CACNA2D3: variants seen among roughly 807,000 people sequenced by gnomAD.
CACNA2D3 encodes the protein voltage-dependent calcium channel subunit alpha-2/delta-3.
A neutral mutation model predicts 160.6 loss-of-function variants in CACNA2D3; 60 were observed. The observed-to-expected ratio is 0.37, with a 90% CI of 0.30 to 0.46. CACNA2D3 has a LOEUF of 0.46. Ranked by LOEUF, CACNA2D3 falls within the 20% of genes least tolerant of loss-of-function variation. The probability of loss-of-function intolerance (pLI) is 1.00; values close to 1 mark genes in which losing one functional copy is unlikely to be tolerated. For missense variants in CACNA2D3, 1,205 were observed against 1,365.0 expected (o/e 0.88, Z 1.85); for synonymous variants, 558 against 492.9 (o/e 1.13, Z -1.75).
chr3:54,571,024 A>G (rs1164585198), intron 8 of CACNA2D3, among the ~76,000 whole-genome samples: 1 of 152,138 alleles, frequency 6.6e-6, no homozygotes, highest in Non-Finnish European at 1.5e-5. Context: ...CATTTTAGGG[A>G]GACATGAGAC....
rs899412706 is a variant in CACNA2D3, at chr3:54,338,067, T to C, written c.321+17509T>C. ...CCCGAGGACAGACAACACCAGTAAA[T>C]CTTAATCACTATGGAGCACTATAGA... is the stretch of plus-strand genomic sequence containing the variant. On this transcript the variant is annotated intron_variant, in intron 3 of 37. Coordinates refer to ENST00000474759, the MANE Select transcript of CACNA2D3 (RefSeq NM_018398.3). 3.3e-5 allele frequency among the ~76,000 whole-genome samples: 5 copies of C among 152,200 alleles called. No homozygotes were observed. The South Asian group carries it at 1.0e-3, about 32-fold the overall frequency.
At chr3:54,563,435 G>A (rs1277930851) in intron 6 of CACNA2D3, among the ~76,000 whole-genome samples, 1 of 152,176 alleles carries the variant, frequency 6.6e-6, no homozygotes, top group Non-Finnish European at 1.5e-5. Context: ...CTGACGGCAA[G>A]AACCCCTCCA....
At chr3:54,337,684 C>G (rs1476049422) in intron 3 of CACNA2D3, among the ~76,000 whole-genome samples, 1 of 152,142 alleles carries the variant, frequency 6.6e-6, no homozygotes, top group Admixed American at 6.5e-5. Context: ...TTTTCGCTTC[C>G]TTTCTTTCCG....
chr3:54,609,617 G>A (rs1698707418), intron 9 of CACNA2D3, among the ~76,000 whole-genome samples: 1 of 152,060 alleles, frequency 6.6e-6, no homozygotes, highest in African/African-American at 2.4e-5. Flanking sequence ...CCGCTAATAG[G>A]GAACAGAGAG....
intron 4 of CACNA2D3, among the ~76,000 whole-genome samples, chr3:54,388,522 A>G (rs1575428115): frequency 6.6e-6 from 1 of 152,316 alleles, no homozygotes; most frequent in East Asian, 1.9e-4. Flanking sequence ...TAAGCATAAG[A>G]GGGGAATGAG....
intron 11 of CACNA2D3, among the ~76,000 whole-genome samples, chr3:54,724,492 T>C (rs1455617845): frequency 1.3e-5 from 2 of 152,186 alleles, no homozygotes; most frequent in African/African-American, 2.4e-5. Flanking sequence ...ACTGCACTTA[T>C]TCTAAACTGG....
intron 35 of CACNA2D3, among the ~76,000 whole-genome samples, chr3:55,043,269 C>G (rs1703996770): frequency 6.6e-6 from 1 of 151,936 alleles, no homozygotes; most frequent in African/African-American, 2.4e-5. Context: ...CTTGCCAGCT[C>G]TTGGTATTAT....
chr3:55,018,279 G>A lies in CACNA2D3; in HGVS notation c.2949G>A (p.Lys983=). 1 of 1,612,864 alleles carries A rather than the reference G, an allele frequency of 6.2e-7. No homozygotes were observed. Among genetic ancestry groups the A allele is most frequent in the Non-Finnish European group, 8.5e-7 (1 of 1,179,126 alleles). The change falls in exon 35 of 38, where the codon AAG becomes AAA. Residue 983 remains lysine (K), a synonymous_variant. Transcript: ENST00000474759. ...CATTCGTCTCTGAGCGCACCATCAA[G>A]GAGACTACAGGGAATATTGCTTGTG... ...YPAFVSERTI[K]ETTGNIACED...
chr3:54,822,828 T>TTTCTTTTCTTTCTTTCTTTCTTTCTTTCC (rs1703664804), intron 14 of CACNA2D3, among the ~76,000 whole-genome samples: 2 of 85,024 alleles, frequency 2.4e-5, no homozygotes, highest in African/African-American at 1.2e-4. Context: ...TCTTTCTTTC[T>TTTCTTTTCTTTCTTTCTTTCTTTCTTTCC]TTCTTTTCTT....
intron 3 of CACNA2D3, among the ~76,000 whole-genome samples, chr3:54,330,477 C>G (rs894447681): frequency 6.6e-6 from 1 of 152,146 alleles, no homozygotes; most frequent in Admixed American, 6.5e-5. Context: ...GAGCAGGAGT[C>G]TTCCTACCTC....
chr3:54,536,726 A>G (rs1701895526), intron 5 of CACNA2D3, among the ~76,000 whole-genome samples: 1 of 152,162 alleles, frequency 6.6e-6, no homozygotes, highest in Non-Finnish European at 1.5e-5. Context: ...CCTAGCCAAG[A>G]ATGGGGTGAG....
At chr3:54,604,255 A>T (rs1308405286) in intron 9 of CACNA2D3, among the ~76,000 whole-genome samples, 4 of 152,214 alleles carry the variant, frequency 2.6e-5, no homozygotes, top group Non-Finnish European at 5.9e-5. Flanking sequence ...TTAGGGGTAT[A>T]ATGGGGAGCA....
intron 35 of CACNA2D3, among the ~76,000 whole-genome samples, chr3:55,051,121 A>C (rs554698665): frequency 2.0e-5 from 3 of 152,070 alleles, no homozygotes; most frequent in Non-Finnish European, 4.4e-5. Flanking sequence ...GTCATTCTCC[A>C]TCCAGCTTTG....
Position 55,030,677 on chromosome 3 carries a change from A to G in CACNA2D3, c.2987+12360A>G, listed in dbSNP as rs530434930. Among the ~76,000 whole-genome samples, 80 of 152,286 alleles carry G rather than the reference A, an allele frequency of 5.3e-4. No individual in the cohort carries two copies. In the South Asian group the frequency reaches 0.011, roughly 21 times the overall value. ...ACCAATCCCTCTGAATCTCAGTTCA[A>G]TGAAGCATTTTACTGGGGACAGGGT... On this transcript the variant is annotated intron_variant, in intron 35 of 37. Coordinates refer to ENST00000474759, the MANE Select transcript of CACNA2D3 (RefSeq NM_018398.3).
chr3:54,976,241 A>T (rs1301068680), intron 29 of CACNA2D3, among the ~76,000 whole-genome samples: 1 of 145,328 alleles, frequency 6.9e-6, no homozygotes, highest in Admixed American at 6.9e-5. Context: ...TCCCATAGCA[A>T]TGGACTCAAG....
chr3:54,407,955 C>T (rs1039978232), intron 4 of CACNA2D3, among the ~76,000 whole-genome samples: 2 of 152,140 alleles, frequency 1.3e-5, no homozygotes, highest in Non-Finnish European at 2.9e-5. Flanking sequence ...ACCTCACATA[C>T]TATGATTCAT....
intron 31 of CACNA2D3, among the ~76,000 whole-genome samples, chr3:55,001,524 C>G (rs1702979157): frequency 6.6e-6 from 1 of 152,182 alleles, no homozygotes; most frequent in Non-Finnish European, 1.5e-5. Context: ...CTCACCATTT[C>G]ACAGATAGGA....
intron 11 of CACNA2D3, among the ~76,000 whole-genome samples, chr3:54,703,401 G>A (rs1700801992): frequency 6.6e-6 from 1 of 152,124 alleles, no homozygotes; most frequent in Admixed American, 6.6e-5. Flanking sequence ...CAAACTAAAT[G>A]TAAAAGTAGT....
At chr3:54,312,909 G>C (rs1022201366) in intron 2 of CACNA2D3, among the ~76,000 whole-genome samples, 1 of 152,202 alleles carries the variant, frequency 6.6e-6, no homozygotes, top group African/African-American at 2.4e-5. Context: ...GCACCAAGCC[G>C]GGGTTAGGCC....
Sources: gnomAD v4.1 joint callset for allele counts (sites outside exome capture counted in the v4.1 genomes callset) on GRCh38, gnomAD v4.1.1 for gene constraint, MANE v1.5 for transcripts, NCBI Gene and HGNC (gene_info 2026-07-23, HGNC 2026-07-21) for gene names.